UBA2: variants seen among roughly 807,000 people sequenced by gnomAD.
UBA2 encodes ubiquitin like modifier activating enzyme 2, also known as SUMO-activating enzyme subunit 2.
UBA2 carries 11 observed loss-of-function variants against 77.2 expected under a neutral mutation model. The observed-to-expected ratio is 0.14, with a 90% confidence interval of 0.09 to 0.24. The LOEUF (loss-of-function observed/expected upper bound fraction) is 0.24, where lower values mean the gene tolerates loss of function less well. Among genes scored for constraint, UBA2 ranks in the 10% least tolerant of loss-of-function variants. The pLI, the probability that UBA2 is intolerant of heterozygous loss-of-function variation, is 1.00. For synonymous variants in UBA2, 278 were observed against 276.7 expected (o/e 1.00, Z -0.05); for missense variants, 487 against 781.7 (o/e 0.62, Z 4.50).
At chr19:34,459,914 T>C (rs533136137) in intron 13 of UBA2, among the ~76,000 whole-genome samples, 1 of 152,318 alleles carries the variant, frequency 6.6e-6, no homozygotes, top group South Asian at 2.1e-4. Flanking sequence ...TTCTAGGAAA[T>C]AATTATCTTT....
intron 6 of UBA2, among the ~76,000 whole-genome samples, chr19:34,440,400 G>A (rs191276908): frequency 6.6e-6 from 1 of 152,018 alleles, no homozygotes; most frequent in Non-Finnish European, 1.5e-5. Flanking sequence ...TCTAAATAAT[G>A]CACCGAACCT....
chr19:34,464,962 T>G (rs2075672197), intron 15 of UBA2, among the ~76,000 whole-genome samples: 1 of 151,870 alleles, frequency 6.6e-6, no homozygotes, highest in Admixed American at 6.6e-5. Context: ...CCCAGAAACT[T>G]AGGAGGCAGA....
intron 5 of UBA2, among the ~76,000 whole-genome samples, chr19:34,437,475 T>G (rs1035170124): frequency 2.0e-5 from 3 of 151,454 alleles, no homozygotes; most frequent in Non-Finnish European, 2.9e-5. Context: ...CTGGGTGTGG[T>G]GGCACGCACC....
chr19:34,456,160 A>AGT (rs1441887065), intron 12 of UBA2, among the ~76,000 whole-genome samples: 1 of 125,314 alleles, frequency 8.0e-6, no homozygotes, highest in Non-Finnish European at 1.6e-5. Flanking sequence ...GCTGGAGTAC[A>AGT]GTGGAGTACA....
intron 7 of UBA2, 98 bp downstream of exon 7, chr19:34,444,009 C>A: frequency 1.8e-6 from 1 of 570,022 alleles, no homozygotes. Context: ...GCTATATGTG[C>A]TAGGTAATGT....
intron 7 of UBA2, among the ~76,000 whole-genome samples, chr19:34,444,780 C>T (rs1197584727): frequency 6.6e-6 from 1 of 152,190 alleles, no homozygotes; most frequent in East Asian, 1.9e-4. Flanking sequence ...GCACTCCAGC[C>T]TGGGCAACAG....
chr19:34,430,730 C>T (rs1346280601), intron 2 of UBA2, 71 bp downstream of exon 2: 1 of 1,252,612 alleles, frequency 8.0e-7, no homozygotes, highest in Non-Finnish European at 1.2e-6. Context: ...TTAATCCTGC[C>T]TGTCATATAG....
At chr19:34,451,944 T>G in intron 9 of UBA2, 37 bp from the exon 10 acceptor site, 1 of 1,238,540 alleles carries the variant, frequency 8.1e-7, no homozygotes, top group Non-Finnish European at 1.1e-6. Flanking sequence ...ATGATGTTAA[T>G]TAGTGAAATT....
chr19:34,471,127 A>G lies in UBA2; in HGVS notation c.*1906A>G, dbSNP rs1271472498. ...GTTAGGGTACTCTTATCACTCAGAG[A>G]TGGGCCTTGAGTTTTCAGAGAACAG... On this transcript the variant is annotated 3_prime_UTR_variant, in exon 17 of 17. Coordinates refer to ENST00000246548, the MANE Select transcript of UBA2 (RefSeq NM_005499.3). The G allele has an allele frequency of 1.3e-5, 2 of 152,286 alleles. No homozygotes were observed. The highest frequency in any genetic ancestry group is 2.9e-5 in the Non-Finnish European group (2 of 68,036). The allele number at this position is 152,286 out of a possible 1,614,324, so 9.4% of individuals were successfully genotyped here.
intron 7 of UBA2, among the ~76,000 whole-genome samples, chr19:34,444,361 A>G (rs751432630): frequency 6.6e-6 from 1 of 152,126 alleles, no homozygotes; most frequent in Non-Finnish European, 1.5e-5. Flanking sequence ...ATCCAAAACA[A>G]TGTTTTACAA....
rs1210115033 is a variant in UBA2 at position 34,469,635 on chromosome 19, CTGAT to C, written c.*418_*421del. The C allele has an allele frequency of 1.3e-5, 2 of 152,822 alleles. No individual in the cohort carries two copies. The highest frequency in any genetic ancestry group is 4.8e-5 in the African/African-American group (2 of 41,424). 9.5% of individuals were successfully genotyped at this position (152,822 alleles called of 1,614,324 possible). On this transcript the variant is annotated 3_prime_UTR_variant, in exon 17 of 17. Coordinates refer to ENST00000246548, the MANE Select transcript of UBA2 (RefSeq NM_005499.3). The stretch of plus-strand genomic sequence containing the variant: ...GATCTAACCATTTTCATACTCTTAA[CTGAT>C]TGAAACAGATTCAAAGAAGTATCGA...
At chr19:34,433,498 A>G in intron 4 of UBA2, 86 bp downstream of exon 4, 2 of 948,916 alleles carry the variant, frequency 2.1e-6, no homozygotes, top group Admixed American at 2.2e-5. Context: ...TTATTAGACT[A>G]TTGTGATTTA....
Position 34,428,456 on chromosome 19 carries a change from C to T in UBA2, c.24C>T (p.Pro8=). 3.1e-6 allele frequency: 4 copies of T among 1,282,944 alleles called. No individual in the cohort carries two copies. The highest frequency in any genetic ancestry group is 4.0e-6 in the Non-Finnish European group (4 of 1,010,734). The allele number at this position is 1,282,944 out of a possible 1,614,324, so 79.5% of individuals were successfully genotyped here. A position where few individuals can be genotyped will look rare whatever the true frequency, so the allele number is the denominator to read the frequency against. MALSRGL[P]RELAEAVAGG... Reference sequence around the variant, plus strand: ...CCATGGCACTGTCGCGGGGGCTGCCCCGGGAGCTGGCTGAGGCGGTGGCCG... The same window carrying T: ...CCATGGCACTGTCGCGGGGGCTGCCTCGGGAGCTGGCTGAGGCGGTGGCCG... The change falls in exon 1 of 17, where the codon CCC becomes CCT. Residue 8 remains proline, a synonymous_variant. Coordinates refer to ENST00000246548, the MANE Select transcript of UBA2 (RefSeq NM_005499.3).
At chr19:34,456,144 AC>A (rs752840284) in intron 12 of UBA2, among the ~76,000 whole-genome samples, 21 of 87,846 alleles carry the variant, frequency 2.4e-4, no homozygotes, top group Non-Finnish European at 4.4e-4. Context: ...TCTTGCTCTC[AC>A]CCAGGCTGGA....
chr19:34,459,568 G>C (rs2075608689), intron 13 of UBA2, among the ~76,000 whole-genome samples: 2 of 152,190 alleles, frequency 1.3e-5, no homozygotes, highest in Non-Finnish European at 2.9e-5. Context: ...GCTGAAGCGA[G>C]GGAAGAAATG....
intron 6 of UBA2, among the ~76,000 whole-genome samples, chr19:34,442,588 C>T (rs962862832): frequency 6.6e-6 from 1 of 152,144 alleles, no homozygotes; most frequent in African/African-American, 2.4e-5. Context: ...TCTGCCACCA[C>T]GCCCAGCTAA....
chr19:34,456,803 C>T (rs951484994), intron 12 of UBA2, among the ~76,000 whole-genome samples: 13 of 152,106 alleles, frequency 8.5e-5, no homozygotes, highest in African/African-American at 2.9e-4. Context: ...GGTGATCTGC[C>T]CACCTTGGCC....
At chr19:34,429,331 T>C in intron 1 of UBA2, 1 of 836,062 alleles carries the variant, frequency 1.2e-6, no homozygotes, top group East Asian at 1.2e-4. Flanking sequence ...TGCAAACTTT[T>C]TAGAGATTGG....
chr19:34,437,952 G>C (rs981842075), intron 5 of UBA2, among the ~76,000 whole-genome samples: 1 of 152,160 alleles, frequency 6.6e-6, no homozygotes, highest in Non-Finnish European at 1.5e-5. Flanking sequence ...CTCTTTGGGA[G>C]CCTGAGGCAG....
Sources: allele counts gnomAD v4.1 joint callset (sites outside exome capture counted in the v4.1 genomes callset), GRCh38; gene constraint gnomAD v4.1.1; transcripts MANE v1.5; gene names NCBI Gene and HGNC (gene_info 2026-07-23, HGNC 2026-07-21).